Variants in CGNL1 observed in about 807,000 individuals in gnomAD.
The protein encoded by CGNL1 is cingulin like 1, also known as cingulin-like protein 1.
Under a neutral mutation model 141.2 loss-of-function variants are expected in CGNL1, and 132 were observed. That is an observed-to-expected ratio of 0.93 (90% CI 0.81 to 1.08). The LOEUF (loss-of-function observed/expected upper bound fraction) is 1.08, where lower values mean the gene tolerates loss of function less well. Among genes scored for constraint, CGNL1 ranks in the 50% least tolerant of loss-of-function variants. The probability of loss-of-function intolerance (pLI) is 0.00; values close to 1 mark genes in which losing one functional copy is unlikely to be tolerated. For synonymous variants in CGNL1, 690 were observed against 622.1 expected, an observed-to-expected ratio of 1.11 and a Z score of -1.63; for missense variants, 1,870 against 1,588.6, an observed-to-expected ratio of 1.18 and a Z score of -3.01.
At chr15:57,533,934 G>T (rs1160502969) in intron 14 of CGNL1, among the ~76,000 whole-genome samples, 1 of 152,218 alleles carries the variant, frequency 6.6e-6, no homozygotes, top group Non-Finnish European at 1.5e-5. Flanking sequence ...GAGAGCAGTG[G>T]GCTGGCAGTC....
chr15:57,391,629 A>C (rs1011231277), intron 1 of CGNL1, among the ~76,000 whole-genome samples: 1 of 152,222 alleles, frequency 6.6e-6, no homozygotes, highest in Non-Finnish European at 1.5e-5. Flanking sequence ...TAAAAACAGC[A>C]AAAAGTGGTT....
At chr15:57,394,355 C>T (rs955734255) in intron 1 of CGNL1, among the ~76,000 whole-genome samples, 1 of 152,072 alleles carries the variant, frequency 6.6e-6, no homozygotes, top group Non-Finnish European at 1.5e-5. Flanking sequence ...GAACTCCCGA[C>T]TTCAGGTGAT....
At chr15:57,543,671 TG>T (rs775810014) in intron 14 of CGNL1, 24 bp from the exon 15 acceptor site, 1 of 1,591,580 alleles carries the variant, frequency 6.3e-7, no homozygotes, top group Admixed American at 1.7e-5. Flanking sequence ...TTCTAACCTC[TG>T]GGCTTTTGTT....
chr15:57,398,356 A>G (rs1253513266), intron 1 of CGNL1: 1 of 150,758 alleles, frequency 6.6e-6, no homozygotes, highest in Non-Finnish European at 1.5e-5. Context: ...GTTAATGGGG[A>G]TTTTGGATGG....
At chr15:57,462,329 C>G (rs1009748012) in intron 8 of CGNL1, among the ~76,000 whole-genome samples, 3 of 152,128 alleles carry the variant, frequency 2.0e-5, no homozygotes, top group African/African-American at 7.2e-5. Context: ...TTTTGTGTAG[C>G]CTTTTGTTGG....
intron 1 of CGNL1, among the ~76,000 whole-genome samples, chr15:57,405,351 C>T (rs143333310): frequency 6.3e-4 from 96 of 152,308 alleles, no homozygotes; most frequent in Admixed American, 3.0e-3. Flanking sequence ...ACTCGGGTGT[C>T]TGATTTCTCC....
intron 13 of CGNL1, 190 bp downstream of exon 13, chr15:57,529,005 A>G: frequency 1.8e-6 from 1 of 559,016 alleles, no homozygotes. Context: ...TCAGGACATC[A>G]GAGCTAGAAG....
intron 1 of CGNL1, among the ~76,000 whole-genome samples, chr15:57,423,676 C>A (rs879513987): frequency 6.6e-6 from 1 of 152,216 alleles, no homozygotes; most frequent in Admixed American, 6.5e-5. Context: ...TCCCCAGCTT[C>A]TCTGGGCTTC....
In CGNL1 at chr15:57,487,630, G is replaced by A. The variant is rs2063802508; in HGVS notation, c.2403+25738G>A. 2.0e-5 allele frequency among the ~76,000 whole-genome samples: 3 copies of A among 152,300 alleles called. No homozygotes were observed. The South Asian group carries it at 6.2e-4, about 32-fold the overall frequency. On this transcript the variant is annotated intron_variant, in intron 8 of 18. Coordinates refer to ENST00000281282, the MANE Select transcript of CGNL1 (RefSeq NM_032866.5). Reference sequence around the variant, plus strand: ...TTTTAAAAAGATCCATGTTGAGGCAGATATTTATACAGAACCAAGTGATTA... The same window carrying A: ...TTTTAAAAAGATCCATGTTGAGGCAAATATTTATACAGAACCAAGTGATTA...
chr15:57,420,401 A>G (rs1178135096), intron 1 of CGNL1, among the ~76,000 whole-genome samples: 1 of 152,236 alleles, frequency 6.6e-6, no homozygotes, highest in Non-Finnish European at 1.5e-5. Flanking sequence ...GTGAAACATG[A>G]GTTCATACTG....
chr15:57,400,602 T>C (rs1595663584), intron 1 of CGNL1, among the ~76,000 whole-genome samples: 1 of 152,066 alleles, frequency 6.6e-6, no homozygotes, highest in Non-Finnish European at 1.5e-5. Flanking sequence ...TACATGTTTG[T>C]GCGGGCATGG....
chr15:57,520,196 T>A (rs1218676408), intron 10 of CGNL1, among the ~76,000 whole-genome samples: 2 of 152,228 alleles, frequency 1.3e-5, no homozygotes, highest in Non-Finnish European at 2.9e-5. Flanking sequence ...ACCTGAATTA[T>A]CTGGTCTTAA....
chr15:57,546,535 C>T (rs1017239749), intron 18 of CGNL1, among the ~76,000 whole-genome samples: 30 of 152,186 alleles, frequency 2.0e-4, no homozygotes, highest in African/African-American at 7.0e-4. Flanking sequence ...GACTAGCTCA[C>T]ACCATCATGG....
intron 7 of CGNL1, among the ~76,000 whole-genome samples, chr15:57,457,326 G>A (rs961574921): frequency 2.0e-5 from 3 of 152,182 alleles, no homozygotes; most frequent in African/African-American, 7.2e-5. Flanking sequence ...GCGCATGGTC[G>A]TGGGGTGGCC....
rs1275790938 is a variant in CGNL1 at position 57,438,566 on chromosome 15, G to C, written c.567G>C (p.Trp189Cys). The C allele has an allele frequency of 1.2e-6, 2 of 1,613,680 alleles. No individual in the cohort carries two copies. The highest frequency in any genetic ancestry group is 3.3e-5 in the Admixed American group (2 of 60,018). Residue 189 changes from tryptophan (W) to cysteine (C), a missense_variant, in exon 2 of 19, where the codon TGG becomes TGC. By Grantham distance (215) the Trp-to-Cys change is radical. Coordinates refer to ENST00000281282, the MANE Select transcript of CGNL1 (RefSeq NM_032866.5). The part of the protein sequence containing the change: ...TEEGINNKKP[W>C]TCFPKPSNSQ... ...AAGGCATCAACAATAAGAAGCCTTG[G>C]ACTTGCTTTCCCAAACCTAGCAATT...
chr15:57,539,195 CT>C (rs2032430674), intron 14 of CGNL1, among the ~76,000 whole-genome samples: 1 of 152,186 alleles, frequency 6.6e-6, no homozygotes, highest in Admixed American at 6.5e-5. Flanking sequence ...ATTTCTTTGT[CT>C]CTCTACAAGC....
At chr15:57,423,784 T>C (rs1253262018) in intron 1 of CGNL1, among the ~76,000 whole-genome samples, 2 of 152,214 alleles carry the variant, frequency 1.3e-5, no homozygotes, top group Non-Finnish European at 2.9e-5. Context: ...TTCTTAGTGT[T>C]GGCCTGCTAG....
chr15:57,384,996 G>A (rs2062466463), intron 1 of CGNL1, among the ~76,000 whole-genome samples: 1 of 152,172 alleles, frequency 6.6e-6, no homozygotes, highest in African/African-American at 2.4e-5. Flanking sequence ...TTCTCATGGT[G>A]AATCATTTTT....
intron 14 of CGNL1, among the ~76,000 whole-genome samples, chr15:57,534,233 G>A (rs1232556896): frequency 1.3e-5 from 2 of 152,288 alleles, no homozygotes; most frequent in South Asian, 2.1e-4. Flanking sequence ...TCCCTCTTCT[G>A]TTTTCTTTCT....
Sources: gnomAD v4.1 joint callset for allele counts (sites outside exome capture counted in the v4.1 genomes callset) on GRCh38, gnomAD v4.1.1 for gene constraint, MANE v1.5 for transcripts, NCBI Gene and HGNC (gene_info 2026-07-23, HGNC 2026-07-21) for gene names.